Variants in BRINP3 observed in about 807,000 individuals in gnomAD.
The protein encoded by BRINP3 is BMP/retinoic acid-inducible neural-specific protein 3.
Under a neutral mutation model 71.0 loss-of-function variants are expected in BRINP3, and 19 were observed. The observed-to-expected ratio is 0.27, with a 90% CI of 0.19 to 0.39. The LOEUF (loss-of-function observed/expected upper bound fraction) is 0.39. Among genes scored for constraint, BRINP3 ranks in the 10% least tolerant of loss-of-function variants. The probability of loss-of-function intolerance (pLI) is 1.00; values close to 1 mark genes in which losing one functional copy is unlikely to be tolerated. For synonymous variants in BRINP3, 380 were observed against 337.7 expected (o/e 1.13, Z -1.37); for missense variants, 959 against 940.8 (o/e 1.02, Z -0.25).
chr1:190,135,799 G>A (rs10494631), intron 7 of BRINP3, among the ~76,000 whole-genome samples: 2 of 151,926 alleles, frequency 1.3e-5, no homozygotes, highest in East Asian at 3.9e-4. Context: ...ATTGCAGGTT[G>A]CCTACAACAT....
At chr1:190,459,984 G>C (rs1333236881) in intron 1 of BRINP3, among the ~76,000 whole-genome samples, 1 of 150,832 alleles carries the variant, frequency 6.6e-6, no homozygotes, top group Admixed American at 6.6e-5. Flanking sequence ...TTTAAGTATT[G>C]GACAAAGGTA....
chr1:190,421,949 C>A (rs1352479162), intron 2 of BRINP3, among the ~76,000 whole-genome samples: 4 of 151,758 alleles, frequency 2.6e-5, no homozygotes, highest in Non-Finnish European at 5.9e-5. Flanking sequence ...TACTCCTTAT[C>A]TTTTTGCTGG....
intron 6 of BRINP3, among the ~76,000 whole-genome samples, chr1:190,175,659 G>T (rs1012902246): frequency 6.6e-6 from 1 of 152,016 alleles, no homozygotes; most frequent in East Asian, 1.9e-4. Context: ...TATTAAAAAA[G>T]AATTAATTAC....
chr1:190,254,405 G>A (rs1667051950), intron 4 of BRINP3, among the ~76,000 whole-genome samples: 1 of 152,054 alleles, frequency 6.6e-6, no homozygotes, highest in African/African-American at 2.4e-5. Context: ...CTATCCATGA[G>A]CATGGAATGT....
At chr1:190,277,087 T>TTATATATA (rs1222129309) in intron 3 of BRINP3, among the ~76,000 whole-genome samples, 454 of 36,022 alleles carry the variant, frequency 0.013, 23 homozygotes, top group South Asian at 0.038. Context: ...AATTTTGGTT[T>TTATATATA]TATATATATA....
At chr1:190,436,867 T>G (rs1445045260) in intron 2 of BRINP3, among the ~76,000 whole-genome samples, 1 of 151,868 alleles carries the variant, frequency 6.6e-6, no homozygotes, top group Non-Finnish European at 1.5e-5. Context: ...GTTATGCACA[T>G]GTCTTTGTGC....
chr1:190,253,669 G>A (rs1476713024), intron 4 of BRINP3, among the ~76,000 whole-genome samples: 1 of 152,090 alleles, frequency 6.6e-6, no homozygotes, highest in Non-Finnish European at 1.5e-5. Context: ...GTGGATTCTG[G>A]ATATTAGCCC....
At chr1:190,218,105 T>G (rs1656565175) in intron 6 of BRINP3, among the ~76,000 whole-genome samples, 1 of 151,746 alleles carries the variant, frequency 6.6e-6, no homozygotes, top group Admixed American at 6.6e-5. Context: ...AACTCAGAAT[T>G]TTCAAAAACT....
intron 2 of BRINP3, among the ~76,000 whole-genome samples, chr1:190,441,684 T>C (rs1449774747): frequency 6.6e-6 from 1 of 152,120 alleles, no homozygotes; most frequent in East Asian, 1.9e-4. Flanking sequence ...ATTGACAGAT[T>C]TCTCAAATAG....
At chr1:190,191,126 A>T (rs1653995555) in intron 6 of BRINP3, among the ~76,000 whole-genome samples, 1 of 152,270 alleles carries the variant, frequency 6.6e-6, no homozygotes, top group East Asian at 1.9e-4. Context: ...CTTAACAATC[A>T]TCAATCATTC....
chr1:190,204,205 A>C (rs977350927), intron 6 of BRINP3, among the ~76,000 whole-genome samples: 1 of 151,914 alleles, frequency 6.6e-6, no homozygotes, highest in Non-Finnish European at 1.5e-5. Flanking sequence ...TTGTAAAATA[A>C]ATAAGACCTG....
At chr1:190,408,019 C>CTTTTTTTT (rs34343187) in intron 2 of BRINP3, among the ~76,000 whole-genome samples, 161 of 99,742 alleles carry the variant, frequency 1.6e-3, no homozygotes, top group Non-Finnish European at 2.0e-3. Context: ...CTACATTTGT[C>CTTTTTTTT]TTTTTTTTTT....
At chr1:190,155,294 A>G (rs1656769787) in intron 7 of BRINP3, among the ~76,000 whole-genome samples, 1 of 152,064 alleles carries the variant, frequency 6.6e-6, no homozygotes, top group Non-Finnish European at 1.5e-5. Flanking sequence ...TAATATATTC[A>G]ATTGTTTTAA....
At chr1:190,241,344 A>T (rs1344254317) in intron 4 of BRINP3, among the ~76,000 whole-genome samples, 1 of 152,100 alleles carries the variant, frequency 6.6e-6, no homozygotes, top group Non-Finnish European at 1.5e-5. Context: ...TGAGAGCTAG[A>T]ACTGGGACTT....
At chr1:190,279,669 G>C (rs1175638365) in intron 3 of BRINP3, among the ~76,000 whole-genome samples, 2 of 151,702 alleles carry the variant, frequency 1.3e-5, no homozygotes, top group African/African-American at 4.8e-5. Flanking sequence ...TTCCATGCCG[G>C]AGTTATTTTC....
intron 3 of BRINP3, among the ~76,000 whole-genome samples, chr1:190,267,103 G>A (rs1423218788): frequency 6.6e-6 from 1 of 151,922 alleles, no homozygotes; most frequent in South Asian, 2.1e-4. Context: ...GGTACAAAGG[G>A]GATAAAAGTA....
chr1:190,453,421 A>G (rs1002718578), intron 2 of BRINP3, among the ~76,000 whole-genome samples: 18 of 150,978 alleles, frequency 1.2e-4, no homozygotes, highest in African/African-American at 1.7e-4. Context: ...GGGTTTCACC[A>G]TGTTGGAAGA....
chr1:190,159,211 C>CA (rs1385029255), intron 7 of BRINP3, among the ~76,000 whole-genome samples: 1 of 152,002 alleles, frequency 6.6e-6, no homozygotes, highest in African/African-American at 2.4e-5. Context: ...CAAATTGATA[C>CA]AAAATCACAA....
chr1:190,468,471 A>T (rs1022762067), intron 1 of BRINP3, among the ~76,000 whole-genome samples: 1 of 151,286 alleles, frequency 6.6e-6, no homozygotes. Flanking sequence ...AATTGATTGA[A>T]CAAGATATTT....
Sources: allele counts gnomAD v4.1 joint callset (sites outside exome capture counted in the v4.1 genomes callset), GRCh38; gene constraint gnomAD v4.1.1; transcripts MANE v1.5; gene names NCBI Gene and HGNC (gene_info 2026-07-23, HGNC 2026-07-21).